Variants in DDB1 observed in about 807,000 individuals in gnomAD.
The protein encoded by DDB1 is damage specific DNA binding protein 1, also known as DNA damage-binding protein 1.
Under a neutral mutation model 133.1 loss-of-function variants are expected in DDB1, and 18 were observed. The observed-to-expected ratio is 0.14, with a 90% CI of 0.09 to 0.20. The LOEUF (loss-of-function observed/expected upper bound fraction) is 0.20. Among genes scored for constraint, DDB1 ranks in the 10% least tolerant of loss-of-function variants. The pLI is 1.00. For missense variants in DDB1, 828 were observed against 1,459.2 expected, an observed-to-expected ratio of 0.57 and a Z score of 7.05; for synonymous variants, 580 against 550.5, an observed-to-expected ratio of 1.05 and a Z score of -0.75.
At chr11:61,312,115 G>A (rs765514273) in intron 16 of DDB1, 31 bp from the exon 17 acceptor site, 4 of 1,604,360 alleles carry the variant, frequency 2.5e-6, no homozygotes, top group Non-Finnish European at 3.4e-6. Context: ...TTAGACTGAG[G>A]AGACTCAAGG....
At chr11:61,315,730 T>C (rs1437248888) in intron 12 of DDB1, 1 of 152,600 alleles carries the variant, frequency 6.6e-6, no homozygotes, top group Non-Finnish European at 1.5e-5. Context: ...GTGTCAGAAA[T>C]GAGGCTCTCG....
chr11:61,316,087 A>G (rs532660805), intron 12 of DDB1, 198 bp downstream of exon 12: 6 of 508,338 alleles, frequency 1.2e-5, no homozygotes, highest in Non-Finnish European at 2.1e-5. Context: ...TGCAGAAGAA[A>G]AATAAAGCTA....
Position 61,326,831 on chromosome 11 carries a change from C to G in DDB1, c.612G>C (p.Lys204Asn), listed in dbSNP as rs2134934976. The change falls in exon 5 of 27, where the codon AAG (lysine) becomes AAC (asparagine). Residue 204 changes from lysine to asparagine, a missense_variant. By Grantham distance (94) the Lys-to-Asn change is moderately conservative (BLOSUM62 0). This residue lies in a region of DDB1 where 210 missense variants were observed against 344.8 expected (regional missense o/e 0.61). Transcript: ENST00000301764. The part of the protein sequence containing the change: ...EVSLREKEFN[K>N]GPWKQENVEA... ...CGACATTTTCCTGTTTCCAAGGGCC[C>G]TTATTGAATTCCTTTTCTCGGAGAG... 1.9e-6 allele frequency: 3 copies of G among 1,614,120 alleles called. No individual in the cohort carries two copies. The highest frequency in any genetic ancestry group is 4.5e-5 in the East Asian group (2 of 44,880).
In DDB1 at chr11:61,326,750, G is replaced by A. The variant is rs1200674513; in HGVS notation, c.664+29C>T. ...CAGGGAACTAGCCTAGACCCAGGTGGAGGCACATTTCCTAAACCCCCTACC... is the reference window on the plus strand; with the variant it reads ...CAGGGAACTAGCCTAGACCCAGGTGAAGGCACATTTCCTAAACCCCCTACC... On this transcript the variant is annotated intron_variant, in intron 5 of 26. Coordinates refer to ENST00000301764, the MANE Select transcript of DDB1 (RefSeq NM_001923.5). 4 of 1,571,660 alleles carry A rather than the reference G, an allele frequency of 2.5e-6. No individual in the cohort carries two copies. The East Asian group carries it at 8.9e-5, about 35-fold the overall frequency.
chr11:61,316,294 C>G lies in DDB1; in HGVS notation c.1401G>C (p.Gln467His). ...TFFCGNVAHQQLIQITSASVR... is the reference protein window; with the variant it reads ...TFFCGNVAHQHLIQITSASVR... ...CTTTCTCAGTTATCACCTGGATAAGCTGCTGATGAGCCACGTTGCCACAGA... is the reference window on the plus strand; with the variant it reads ...CTTTCTCAGTTATCACCTGGATAAGGTGCTGATGAGCCACGTTGCCACAGA... Residue 467 changes from glutamine to histidine, a missense_variant, in exon 12 of 27, where the codon CAG becomes CAC. Gln to His is a conservative substitution (Grantham distance 24). Transcript: ENST00000301764. The G allele has an allele frequency of 6.2e-7, 1 of 1,614,156 alleles. No homozygotes were observed. The highest frequency in any genetic ancestry group is 2.2e-5 in the East Asian group (1 of 44,888).
At chr11:61,325,732 G>C in intron 5 of DDB1, 24 bp from the exon 6 acceptor site, 1 of 1,592,172 alleles carries the variant, frequency 6.3e-7, no homozygotes. Context: ...AGCAAAATTA[G>C]AATGCTCAGC....
intron 9 of DDB1, 113 bp downstream of exon 9, chr11:61,322,183 G>T: frequency 1.2e-6 from 1 of 835,222 alleles, no homozygotes; most frequent in Non-Finnish European, 2.0e-6. Flanking sequence ...GGATTCATGA[G>T]GGGGCTCTTA....
At chr11:61,319,080 G>T (rs1333080987) in intron 10 of DDB1, among the ~76,000 whole-genome samples, 1 of 152,134 alleles carries the variant, frequency 6.6e-6, no homozygotes, top group African/African-American at 2.4e-5. Flanking sequence ...GTGGCGCATG[G>T]TTGGAGTCCC....
intron 6 of DDB1, chr11:61,324,476 TTAATACCAC>T: frequency 4.5e-6 from 1 of 221,800 alleles, no homozygotes; most frequent in Non-Finnish European, 9.2e-6. Flanking sequence ...TTATTTATTC[TTAATACCAC>T]TAATTACCCC....
Position 61,328,651 on chromosome 11 carries a change from T to A in DDB1, c.549+712A>T, listed in dbSNP as rs185725710. On this transcript the variant is annotated intron_variant, in intron 4 of 26. Coordinates refer to ENST00000301764, the MANE Select transcript of DDB1 (RefSeq NM_001923.5). ...ACTTTGGGAGGCCGAGGCAGGCGGATCATGAGGTCATGAGTTTGAGACGAT... is the reference window on the plus strand; with the variant it reads ...ACTTTGGGAGGCCGAGGCAGGCGGAACATGAGGTCATGAGTTTGAGACGAT... Among the ~76,000 whole-genome samples, 535 of 152,260 alleles carry A rather than the reference T, an allele frequency of 3.5e-3. 2 individuals are homozygous for A. Among genetic ancestry groups the A allele is most frequent in the Non-Finnish European group, 4.4e-3 (298 of 68,010 alleles).
At chr11:61,329,674 G>T in intron 3 of DDB1, 90 bp from the exon 4 acceptor site, 1 of 1,269,034 alleles carries the variant, frequency 7.9e-7, no homozygotes. Flanking sequence ...AAAATTTTAG[G>T]AGAGGTATTA....
At chr11:61,331,418 A>C (rs1350022543) in intron 2 of DDB1, 125 bp downstream of exon 2, 1 of 1,326,574 alleles carries the variant, frequency 7.5e-7, no homozygotes, top group African/African-American at 1.5e-5. Flanking sequence ...CAGGAGTTCA[A>C]GACATCCTGG....
At chr11:61,331,206 T>C (rs1017607038) in intron 2 of DDB1, among the ~76,000 whole-genome samples, 3 of 152,216 alleles carry the variant, frequency 2.0e-5, no homozygotes, top group Non-Finnish European at 4.4e-5. Context: ...TCTCTCCTTT[T>C]ACTTCTAGAA....
At chr11:61,304,698 C>A (rs979167872) in intron 21 of DDB1, among the ~76,000 whole-genome samples, 1 of 151,618 alleles carries the variant, frequency 6.6e-6, no homozygotes, top group Admixed American at 6.6e-5. Flanking sequence ...CACGGTGAAA[C>A]CCCGTCTCTA....
chr11:61,321,149 T>C (rs1856171207), intron 10 of DDB1: 1 of 153,982 alleles, frequency 6.5e-6, no homozygotes, highest in Non-Finnish European at 1.4e-5. Context: ...CCCAAAGTGC[T>C]GTAATGACAG....
At position 61,322,492 on chromosome 11, in the gene DDB1, G is replaced by C. The variant is rs1344417868; in HGVS notation, c.1006-80C>G. The C allele has an allele frequency of 1.6e-5, 17 of 1,072,368 alleles. No homozygotes were observed. In the South Asian group the frequency reaches 2.1e-4, roughly 13 times the overall value. 66.4% of individuals were successfully genotyped at this position (1,072,368 alleles called of 1,614,324 possible). ...CAAAAGAGATGGTTATTGTCCAAAA[G>C]AAACTCTCAATAACTAGTTTCTAGA... On this transcript the variant is annotated intron_variant, in intron 8 of 26. Coordinates refer to ENST00000301764, the MANE Select transcript of DDB1 (RefSeq NM_001923.5).
chr11:61,333,002 C>G lies in DDB1; in HGVS notation c.-34G>C, dbSNP rs1415933153. On this transcript the variant is annotated 5_prime_UTR_variant, in exon 1 of 27. Transcript: ENST00000301764. Reference sequence around the variant, plus strand: ...TTGGAGCGGCCCGTCGGGACTCGAGCGCGACACTAGAAAGAGGGACACAAG... The same window carrying G: ...TTGGAGCGGCCCGTCGGGACTCGAGGGCGACACTAGAAAGAGGGACACAAG... The G allele has an allele frequency of 1.2e-5, 18 of 1,479,452 alleles. No homozygotes were observed. Among genetic ancestry groups the G allele is most frequent in the East Asian group, 5.5e-5 (2 of 36,682 alleles). The allele number at this position is 1,479,452 out of a possible 1,614,324, so 91.6% of individuals were successfully genotyped here. A position where few individuals can be genotyped will look rare whatever the true frequency, so the allele number is the denominator to read the frequency against.
At chr11:61,311,956 C>A (rs1247486355) in intron 17 of DDB1, 33 bp downstream of exon 17, 4 of 1,613,882 alleles carry the variant, frequency 2.5e-6, no homozygotes, top group Non-Finnish European at 3.4e-6. Flanking sequence ...CTACACCAAC[C>A]CCCACTTCCC....
At position 61,302,387 on chromosome 11, in the gene DDB1, G is replaced by T. The variant is rs529609793; in HGVS notation, c.3113-28C>A. 2.6e-4 allele frequency: 414 copies of T among 1,605,206 alleles called. 6 individuals carry two copies. The South Asian group carries it at 4.5e-3, about 17-fold the overall frequency. ...GAAGAAGTGAAGGAGGCAGTGAGCTGCAGAGAGCTCAACCCCACAGCATGT... is the reference window on the plus strand; with the variant it reads ...GAAGAAGTGAAGGAGGCAGTGAGCTTCAGAGAGCTCAACCCCACAGCATGT... On this transcript the variant is annotated intron_variant, in intron 24 of 26. Coordinates refer to ENST00000301764, the MANE Select transcript of DDB1 (RefSeq NM_001923.5).
Sources: allele counts gnomAD v4.1 joint callset (sites outside exome capture counted in the v4.1 genomes callset), GRCh38; gene constraint gnomAD v4.1.1; regional missense constraint gnomAD v4.1.1; transcripts MANE v1.5; gene names NCBI Gene and HGNC (gene_info 2026-07-23, HGNC 2026-07-21).